Variants in TENM3 observed in about 807,000 individuals in gnomAD.
TENM3 encodes teneurin transmembrane protein 3.
A neutral mutation model predicts 255.1 loss-of-function variants in TENM3; 63 were observed. The observed-to-expected ratio is 0.25, with a 90% CI of 0.20 to 0.30. The LOEUF is 0.30. Ranked by LOEUF, TENM3 falls within the 10% of genes least tolerant of loss-of-function variation. TENM3 has a pLI of 1.00. For missense variants in TENM3, 2,929 were observed against 3,461.1 expected, an observed-to-expected ratio of 0.85 and a Z score of 3.86; for synonymous variants, 1,306 against 1,322.3, an observed-to-expected ratio of 0.99 and a Z score of 0.27.
intron 3 of TENM3, among the ~76,000 whole-genome samples, chr4:182,459,134 A>G (rs1224297991): frequency 4.6e-5 from 7 of 152,224 alleles, no homozygotes; most frequent in Admixed American, 3.9e-4. Context: ...CTTCCTTCAC[A>G]GGCTTGACTA....
the TENM3 span, among the ~76,000 whole-genome samples, chr4:181,519,923 A>G: frequency 6.6e-6 from 1 of 152,192 alleles, no homozygotes; most frequent in Non-Finnish European, 1.5e-5. Context: ...GACAATACCC[A>G]CATGACTCGT....
chr4:181,710,426 A>G, the TENM3 span, among the ~76,000 whole-genome samples: 1 of 152,084 alleles, frequency 6.6e-6, no homozygotes, highest in Non-Finnish European at 1.5e-5. Context: ...AAGACCAAAG[A>G]AATGCGGTAG....
At chr4:181,832,489 A>AAT in the TENM3 span, among the ~76,000 whole-genome samples, 8 of 152,240 alleles carry the variant, frequency 5.3e-5, no homozygotes, top group African/African-American at 1.7e-4. Flanking sequence ...TAGTAACTGG[A>AAT]TCCATTTTTC....
At chr4:182,518,032 T>C (rs186730726) in intron 3 of TENM3, among the ~76,000 whole-genome samples, 8 of 152,154 alleles carry the variant, frequency 5.3e-5, no homozygotes, top group African/African-American at 7.2e-5. Context: ...TTTTTCTTGA[T>C]CTTTTTCCTT....
At chr4:181,888,525 T>TATAC in the TENM3 span, among the ~76,000 whole-genome samples, 74 of 99,852 alleles carry the variant, frequency 7.4e-4, 1 homozygote, top group African/African-American at 3.5e-3. Context: ...TGTATATATA[T>TATAC]ACATATATGT....
intron 1 of TENM3, among the ~76,000 whole-genome samples, chr4:182,237,188 T>C (rs891635307): frequency 1.3e-5 from 2 of 152,180 alleles, no homozygotes; most frequent in South Asian, 2.1e-4. Flanking sequence ...ATCTCGTTCC[T>C]TTTTATGGGT....
At position 182,694,780 on chromosome 4, in the gene TENM3, A is replaced by G. The variant is rs549385909; in HGVS notation, c.2221+6429A>G. Among the ~76,000 whole-genome samples, 292 of 152,284 alleles carry G rather than the reference A, an allele frequency of 1.9e-3. 3 individuals are homozygous for G. The highest frequency in any genetic ancestry group is 0.013 in the South Asian group (63 of 4,830). On this transcript the variant is annotated intron_variant, in intron 12 of 27. Transcript: ENST00000511685. ...GTTAGAAATTGAGAATGAAATGCAC[A>G]CAGCTGGGGAGGTATTTCGGAAACA...
intron 1 of TENM3, among the ~76,000 whole-genome samples, chr4:182,188,913 T>C (rs1434955835): frequency 6.6e-6 from 1 of 152,154 alleles, no homozygotes; most frequent in Non-Finnish European, 1.5e-5. Flanking sequence ...ACCTAGTTGC[T>C]GATAATTCAG....
chr4:182,745,611 G>T (rs1216120924), intron 19 of TENM3, among the ~76,000 whole-genome samples: 1 of 152,144 alleles, frequency 6.6e-6, no homozygotes, highest in African/African-American at 2.4e-5. Context: ...AGGAGATTAT[G>T]TATCTTCCCC....
chr4:181,693,083 C>G, the TENM3 span, among the ~76,000 whole-genome samples: 27 of 152,094 alleles, frequency 1.8e-4, no homozygotes, highest in Admixed American at 6.6e-4. Flanking sequence ...TGCAGTTTTG[C>G]TACATGGATA....
At chr4:182,175,830 G>A (rs1429127707) in intron 1 of TENM3, among the ~76,000 whole-genome samples, 3 of 152,188 alleles carry the variant, frequency 2.0e-5, no homozygotes, top group South Asian at 2.1e-4. Context: ...TCGTGTGCAC[G>A]TGGGTGCATG....
chr4:182,701,291 G>C (rs1757852152), intron 12 of TENM3, among the ~76,000 whole-genome samples: 1 of 129,224 alleles, frequency 7.7e-6, no homozygotes, highest in Non-Finnish European at 1.6e-5. Context: ...CACGATCTCG[G>C]CTCACTGCAA....
At chr4:182,042,585 T>G in the TENM3 span, among the ~76,000 whole-genome samples, 4 of 152,156 alleles carry the variant, frequency 2.6e-5, no homozygotes, top group Non-Finnish European at 4.4e-5. Flanking sequence ...TAGCAAAAAG[T>G]TTTCATGAAG....
the TENM3 span, among the ~76,000 whole-genome samples, chr4:181,576,248 T>A: frequency 1.2e-4 from 18 of 152,326 alleles, no homozygotes; most frequent in South Asian, 2.3e-3. Flanking sequence ...GGCCTCCAGT[T>A]CCGTCCATGT....
At chr4:182,575,163 C>T (rs1299737550) in intron 3 of TENM3, among the ~76,000 whole-genome samples, 2 of 152,068 alleles carry the variant, frequency 1.3e-5, no homozygotes, top group African/African-American at 4.8e-5. Flanking sequence ...TGAATAGAAT[C>T]AATGGATTTT....
chr4:181,518,610 G>A, the TENM3 span, among the ~76,000 whole-genome samples: 1 of 152,074 alleles, frequency 6.6e-6, no homozygotes, highest in Admixed American at 6.6e-5. Context: ...TGTATTTTTA[G>A]TAGAGACAGA....
chr4:182,376,454 C>T (rs996257938), intron 3 of TENM3, among the ~76,000 whole-genome samples: 2 of 152,126 alleles, frequency 1.3e-5, no homozygotes, highest in African/African-American at 4.8e-5. Flanking sequence ...ATCTACCTGA[C>T]TGCATTATAT....
At chr4:182,062,627 T>C in the TENM3 span, among the ~76,000 whole-genome samples, 1 of 152,338 alleles carries the variant, frequency 6.6e-6, no homozygotes, top group East Asian at 1.9e-4. Flanking sequence ...TGACAGAGCT[T>C]TCCTAACTAT....
the TENM3 span, among the ~76,000 whole-genome samples, chr4:182,040,803 GT>G: frequency 3.9e-5 from 6 of 152,002 alleles, no homozygotes; most frequent in Admixed American, 3.9e-4. Context: ...ATCCTCCATG[GT>G]TTTTTGTTGT....
Sources: allele counts gnomAD v4.1 joint callset (sites outside exome capture counted in the v4.1 genomes callset), GRCh38; gene constraint gnomAD v4.1.1; transcripts MANE v1.5; gene names NCBI Gene and HGNC (gene_info 2026-07-23, HGNC 2026-07-21).